S100A8: variants seen among roughly 807,000 people sequenced by gnomAD.
S100A8 encodes the protein S100 calcium binding protein A8.
Under a neutral mutation model 4.2 loss-of-function variants are expected in S100A8, and 1 was observed. That is an observed-to-expected ratio of 0.24 (90% CI 0.08 to 1.12). The LOEUF (loss-of-function observed/expected upper bound fraction) is 1.12, where lower values mean the gene tolerates loss of function less well. S100A8 is among the 50% of genes most tolerant of loss of function. The pLI is 0.53. For missense variants in S100A8, 96 were observed against 111.8 expected (o/e 0.86, Z 0.64); for synonymous variants, 41 against 44.7 (o/e 0.92, Z 0.33).
the S100A8 span, among the ~76,000 whole-genome samples, chr1:153,404,597 GCA>G: frequency 6.6e-6 from 1 of 152,174 alleles, no homozygotes; most frequent in Non-Finnish European, 1.5e-5. Context: ...ATGTGTATAG[GCA>G]TCAAGATTTA....
chr1:153,410,910 C>T, the S100A8 span, among the ~76,000 whole-genome samples: 4 of 152,130 alleles, frequency 2.6e-5, no homozygotes, highest in African/African-American at 9.7e-5. Context: ...GCAGAAAAGG[C>T]CTTTGACAAA....
At chr1:153,412,386 C>T in the S100A8 span, among the ~76,000 whole-genome samples, 1 of 152,170 alleles carries the variant, frequency 6.6e-6, no homozygotes, top group African/African-American at 2.4e-5. Flanking sequence ...TGAAAAAATG[C>T]TCATCACTGG....
the S100A8 span, among the ~76,000 whole-genome samples, chr1:153,408,203 A>G: frequency 6.6e-6 from 1 of 152,222 alleles, no homozygotes; most frequent in Admixed American, 6.5e-5. Context: ...GTTCAAACCC[A>G]TCGCAAAGAA....
At chr1:153,419,520 G>A in the S100A8 span, 43 of 605,504 alleles carry the variant, frequency 7.1e-5, 1 homozygote, top group East Asian at 1.1e-3. Context: ...ATGGCCTCCA[G>A]CAGAGCTGAT....
chr1:153,409,859 C>T, the S100A8 span, among the ~76,000 whole-genome samples: 2 of 152,214 alleles, frequency 1.3e-5, no homozygotes, highest in Admixed American at 6.5e-5. Flanking sequence ...GGAAACTGAA[C>T]AACCTCCTCC....
At chr1:153,419,211 A>C in the S100A8 span, 1 of 1,614,168 alleles carries the variant, frequency 6.2e-7, no homozygotes, top group South Asian at 1.1e-5. Flanking sequence ...GGATAAGAAG[A>C]TTGATTTTTC....
chr1:153,403,079 A>G, the S100A8 span, among the ~76,000 whole-genome samples: 298 of 152,374 alleles, frequency 2.0e-3, 1 homozygote, highest in African/African-American at 6.9e-3. Context: ...ACAAGCAGAC[A>G]AAATGACAAT....
the S100A8 span, among the ~76,000 whole-genome samples, chr1:153,403,260 T>C: frequency 0.15 from 22,111 of 152,210 alleles, 1,846 homozygotes; most frequent in African/African-American, 0.24. Flanking sequence ...TTAATTTGTG[T>C]GTATGAAGGA....
chr1:153,392,856 C>A (rs1662133976), upstream of S100A8, among the ~76,000 whole-genome samples: 1 of 152,164 alleles, frequency 6.6e-6, no homozygotes, highest in Non-Finnish European at 1.5e-5. Context: ...ATTGGGGACC[C>A]AGCACAGTGC....
the S100A8 span, chr1:153,417,979 C>T: frequency 2.7e-6 from 4 of 1,509,424 alleles, no homozygotes; most frequent in Non-Finnish European, 3.6e-6. Flanking sequence ...GCTGTTTTTA[C>T]TCTGTCCTCA....
upstream of S100A8, among the ~76,000 whole-genome samples, chr1:153,391,485 CCT>C (rs1662096456): frequency 6.6e-6 from 1 of 152,158 alleles, no homozygotes; most frequent in African/African-American, 2.4e-5. Context: ...TGAGAACATT[CCT>C]CCATGGCTTC....
At chr1:153,416,210 T>C in the S100A8 span, among the ~76,000 whole-genome samples, 1 of 152,152 alleles carries the variant, frequency 6.6e-6, no homozygotes, top group African/African-American at 2.4e-5. Context: ...TGAAACTCCA[T>C]TCTCTTTGGG....
chr1:153,414,425 C>G, the S100A8 span, among the ~76,000 whole-genome samples: 1 of 152,186 alleles, frequency 6.6e-6, no homozygotes, highest in East Asian at 1.9e-4. Flanking sequence ...GAACACAAAC[C>G]AAACAATTAG....
chr1:153,390,696 T>C (rs1172618310), intron 1 of S100A8, 139 bp from the exon 2 acceptor site: 6 of 1,048,890 alleles, frequency 5.7e-6, no homozygotes, highest in Non-Finnish European at 8.3e-6. Context: ...CAGATGGCTA[T>C]GGCTCTGGTG....
At chr1:153,406,412 C>T in the S100A8 span, among the ~76,000 whole-genome samples, 1 of 151,956 alleles carries the variant, frequency 6.6e-6, no homozygotes, top group African/African-American at 2.4e-5. Context: ...CTGGGGGCTT[C>T]CGGGCTCTGT....
the S100A8 span, among the ~76,000 whole-genome samples, chr1:153,397,768 A>G: frequency 6.6e-6 from 1 of 152,148 alleles, no homozygotes; most frequent in Non-Finnish European, 1.5e-5. Context: ...ACTGTTCCAC[A>G]AAGCTGGTTA....
At chr1:153,401,652 C>T in the S100A8 span, among the ~76,000 whole-genome samples, 1 of 152,142 alleles carries the variant, frequency 6.6e-6, no homozygotes, top group Admixed American at 6.5e-5. Flanking sequence ...AAGGAGGTTA[C>T]CCGAAACTGG....
chr1:153,390,340 C>T (rs1353230841), intron 2 of S100A8, 55 bp downstream of exon 2: 2 of 1,606,018 alleles, frequency 1.2e-6, no homozygotes, highest in Non-Finnish European at 1.7e-6. Context: ...ACCGCTGGCC[C>T]AGGGCAGCCC....
the S100A8 span, among the ~76,000 whole-genome samples, chr1:153,411,731 A>C: frequency 2.6e-5 from 4 of 152,374 alleles, no homozygotes; most frequent in Middle Eastern, 3.4e-3. Flanking sequence ...ACTTCAAACT[A>C]TACTACAAGG....
Sources: allele counts gnomAD v4.1 joint callset (sites outside exome capture counted in the v4.1 genomes callset), GRCh38; gene constraint gnomAD v4.1.1; transcripts MANE v1.5; gene names NCBI Gene and HGNC (gene_info 2026-07-23, HGNC 2026-07-21).